The following CHST9 variants were observed in gnomAD, a reference collection of about 807,000 sequenced individuals.
The protein encoded by CHST9 is GalNAc-4-sulfotransferase 2.
In CHST9, 41 loss-of-function variants were observed where a neutral mutation model predicts 44.4. The observed-to-expected ratio is 0.92, with a 90% CI of 0.72 to 1.20. CHST9 has a LOEUF of 1.20. Among genes scored for constraint, CHST9 ranks in the 50% most tolerant of loss-of-function variants. The probability of loss-of-function intolerance (pLI) is 0.00; values close to 1 mark genes in which losing one functional copy is unlikely to be tolerated. For missense variants in CHST9, 504 were observed against 516.5 expected, an observed-to-expected ratio of 0.98 and a Z score of 0.23; for synonymous variants, 171 against 178.4, an observed-to-expected ratio of 0.96 and a Z score of 0.33.
Position 27,040,127 on chromosome 18 carries a change from G to T in CHST9, c.160+8338C>A, listed in dbSNP as rs1051610755. Among the ~76,000 whole-genome samples, 5 of 152,112 alleles carry T rather than the reference G, an allele frequency of 3.3e-5. No individual in the cohort carries two copies. In the East Asian group the frequency reaches 5.8e-4, roughly 18 times the overall value. On this transcript the variant is annotated intron_variant, in intron 3 of 5. Coordinates refer to ENST00000618847, the MANE Select transcript of CHST9 (RefSeq NM_031422.6). ...ATACTAATAACTAGGCCATAGTAAA[G>T]GTGTGTAAGGAAATGAAGGTAAGCT...
At chr18:27,054,163 T>C (rs2057623263) in intron 2 of CHST9, among the ~76,000 whole-genome samples, 2 of 152,208 alleles carry the variant, frequency 1.3e-5, no homozygotes, top group African/African-American at 4.8e-5. Context: ...TCAATTTTAG[T>C]ACTGCTAAAA....
At chr18:26,972,765 T>A (rs2145174000) in intron 4 of CHST9, among the ~76,000 whole-genome samples, 2 of 152,362 alleles carry the variant, frequency 1.3e-5, no homozygotes, top group East Asian at 3.9e-4. Context: ...AGATGAGAGC[T>A]GAGGCGGCTC....
chr18:27,175,683 G>A (rs1018842485), intron 1 of CHST9, among the ~76,000 whole-genome samples: 13 of 152,030 alleles, frequency 8.6e-5, no homozygotes, highest in Non-Finnish European at 1.6e-4. Flanking sequence ...TATGGCACAT[G>A]TGTATAACTT....
chr18:26,920,466 G>T (rs1169525963), intron 5 of CHST9, among the ~76,000 whole-genome samples: 1 of 152,062 alleles, frequency 6.6e-6, no homozygotes, highest in African/African-American at 2.4e-5. Context: ...ATCACACTGA[G>T]AAATGATTTT....
At position 27,015,321 on chromosome 18, in the gene CHST9, A is replaced by AG. The variant is rs2057138715; in HGVS notation, c.202+8794dup. Among the ~76,000 whole-genome samples the AG allele has an allele frequency of 1.9e-4, 16 of 84,212 alleles. No homozygotes were observed. In the South Asian group the frequency reaches 6.9e-3, roughly 36 times the overall value. The allele number at this position is 84,212 out of a possible 152,430, so 55.2% of individuals were successfully genotyped here. ...AAGTTTAAATGATCACCAGAGAGGC[A>AG]GTTGTGTGTGTGTGTGTGTGTGTGT... On this transcript the variant is annotated intron_variant, in intron 4 of 5. Transcript: ENST00000618847.
intron 2 of CHST9, among the ~76,000 whole-genome samples, chr18:27,117,877 G>C (rs2058342289): frequency 6.6e-6 from 1 of 152,180 alleles, no homozygotes; most frequent in African/African-American, 2.4e-5. Flanking sequence ...GTTTTGCATA[G>C]ATACAAGTTT....
chr18:27,171,572 T>C (rs1410924338), intron 1 of CHST9, among the ~76,000 whole-genome samples: 1 of 152,156 alleles, frequency 6.6e-6, no homozygotes, highest in Non-Finnish European at 1.5e-5. Flanking sequence ...ACTGACTTGG[T>C]GGGGAGCATA....
chr18:26,946,475 T>C (rs539535990), intron 4 of CHST9, among the ~76,000 whole-genome samples: 191 of 152,264 alleles, frequency 1.3e-3, no homozygotes, highest in African/African-American at 4.0e-3. Flanking sequence ...CAGGAAACCC[T>C]GCAAAGAAGT....
intron 2 of CHST9, among the ~76,000 whole-genome samples, chr18:27,063,548 C>T (rs968904155): frequency 3.9e-5 from 6 of 152,032 alleles, no homozygotes; most frequent in Admixed American, 3.3e-4. Context: ...TTAGCCTTTC[C>T]TCCTAGCATT....
At chr18:26,975,500 C>G (rs2056606428) in intron 4 of CHST9, among the ~76,000 whole-genome samples, 1 of 151,874 alleles carries the variant, frequency 6.6e-6, no homozygotes, top group South Asian at 2.1e-4. Flanking sequence ...CATTATTTAG[C>G]TCCCACTTAT....
chr18:26,969,208 T>TA (rs2056506199), intron 4 of CHST9, among the ~76,000 whole-genome samples: 1 of 152,020 alleles, frequency 6.6e-6, no homozygotes, highest in African/African-American at 2.4e-5. Flanking sequence ...TTCACCGTAT[T>TA]AGCCAGGTTG....
chr18:26,959,153 T>G (rs1267297016), intron 4 of CHST9, among the ~76,000 whole-genome samples: 1 of 152,196 alleles, frequency 6.6e-6, no homozygotes, highest in Non-Finnish European at 1.5e-5. Context: ...AATGAAACCA[T>G]GTCCTTTGTA....
At chr18:27,128,721 G>A (rs570582156) in intron 2 of CHST9, among the ~76,000 whole-genome samples, 33 of 152,242 alleles carry the variant, frequency 2.2e-4, no homozygotes, top group African/African-American at 7.9e-4. Flanking sequence ...TGATTTTTGG[G>A]TTATACATTA....
rs868168268 is a variant in CHST9 at position 27,112,514 on chromosome 18, T to C, written c.121+30175A>G. 2.0e-5 allele frequency among the ~76,000 whole-genome samples: 3 copies of C among 151,920 alleles called. No individual in the cohort carries two copies. The South Asian group carries it at 6.2e-4, about 31-fold the overall frequency. ...TTTTCCACTTGTGGTGTCATGTCAGTATTTAAGAAGTTTTTGACTTTGAAT... is the reference window on the plus strand; with the variant it reads ...TTTTCCACTTGTGGTGTCATGTCAGCATTTAAGAAGTTTTTGACTTTGAAT... On this transcript the variant is annotated intron_variant, in intron 2 of 5. Transcript: ENST00000618847.
intron 2 of CHST9, among the ~76,000 whole-genome samples, chr18:27,087,635 T>C (rs1568166901): frequency 6.6e-6 from 1 of 152,212 alleles, no homozygotes; most frequent in African/African-American, 2.4e-5. Flanking sequence ...TTTTCATACA[T>C]ACTTGCCTCT....
chr18:27,090,214 T>C (rs1302776716), intron 2 of CHST9, among the ~76,000 whole-genome samples: 1 of 152,236 alleles, frequency 6.6e-6, no homozygotes, highest in Admixed American at 6.5e-5. Context: ...GAGCATTTTT[T>C]CATGTGTCTG....
chr18:27,059,696 C>T (rs1449606839), intron 2 of CHST9, among the ~76,000 whole-genome samples: 1 of 152,182 alleles, frequency 6.6e-6, no homozygotes, highest in Non-Finnish European at 1.5e-5. Flanking sequence ...ATCTCATTAG[C>T]TTGTGGAGAA....
At chr18:26,940,316 G>A (rs549478531) in intron 5 of CHST9, among the ~76,000 whole-genome samples, 3 of 152,140 alleles carry the variant, frequency 2.0e-5, no homozygotes, top group Non-Finnish European at 4.4e-5. Flanking sequence ...GGGTTGTGCT[G>A]TGTCTTAACC....
intron 1 of CHST9, among the ~76,000 whole-genome samples, chr18:27,156,758 A>G (rs1388075924): frequency 6.6e-6 from 1 of 152,126 alleles, no homozygotes; most frequent in Non-Finnish European, 1.5e-5. Context: ...ACAATGTAAA[A>G]CAGAATGGAT....
Sources: gnomAD v4.1 joint callset for allele counts (sites outside exome capture counted in the v4.1 genomes callset) on GRCh38, gnomAD v4.1.1 for gene constraint, MANE v1.5 for transcripts, NCBI Gene and HGNC (gene_info 2026-07-23, HGNC 2026-07-21) for gene names.